The following VSTM2B variants were observed in gnomAD, a reference collection of about 807,000 sequenced individuals.
VSTM2B encodes V-set and transmembrane domain containing 2B.
In VSTM2B, 24 loss-of-function variants were observed where a neutral mutation model predicts 24.0. That is an observed-to-expected ratio of 1.00 (90% CI 0.72 to 1.40). The LOEUF is 1.40. Ranked by LOEUF, VSTM2B falls within the 40% of genes most tolerant of loss-of-function variation. The pLI is 0.00. For synonymous variants in VSTM2B, 226 were observed against 194.4 expected, an observed-to-expected ratio of 1.16 and a Z score of -1.35; for missense variants, 399 against 416.4, an observed-to-expected ratio of 0.96 and a Z score of 0.36.
rs771620231 is a variant in VSTM2B at position 29,527,379 on chromosome 19, C to G, written c.251C>G (p.Pro84Arg). The change falls in exon 2 of 5, where the codon CCG becomes CGG. Residue 84 changes from proline to arginine, a missense_variant. Coordinates refer to ENST00000335523, the MANE Select transcript of VSTM2B (RefSeq NM_001146339.2). ...CTGCACGAGCTGGCGCTCAGCGTGCCGGGCGCCCGGAGCAAGGTAACCCGC... is the reference window on the plus strand; with the variant it reads ...CTGCACGAGCTGGCGCTCAGCGTGCGGGGCGCCCGGAGCAAGGTAACCCGC... Reference protein sequence around the residue: ...ELLHELALSVPGARSKVTNKD... With the variant: ...ELLHELALSVRGARSKVTNKD... 2.7e-5 allele frequency: 42 copies of G among 1,539,510 alleles called. No individual in the cohort carries two copies. The East Asian group carries it at 5.5e-4, about 20-fold the overall frequency.
At chr19:29,538,818 A>G (rs986759454) in intron 4 of VSTM2B, among the ~76,000 whole-genome samples, 6 of 152,070 alleles carry the variant, frequency 3.9e-5, no homozygotes, top group African/African-American at 1.4e-4. Flanking sequence ...CCATTACCTC[A>G]TTACCATGAG....
intron 2 of VSTM2B, 105 bp from the exon 3 acceptor site, chr19:29,528,328 G>A: frequency 1.4e-6 from 2 of 1,471,270 alleles, no homozygotes; most frequent in Non-Finnish European, 1.9e-6. Context: ...GGCGGTTTCG[G>A]TCCTAGCCTG....
At chr19:29,530,487 T>C (rs1219943171) in intron 4 of VSTM2B, among the ~76,000 whole-genome samples, 197 bp downstream of exon 4, 1 of 152,202 alleles carries the variant, frequency 6.6e-6, no homozygotes, top group Non-Finnish European at 1.5e-5. Flanking sequence ...TCCTGGCCTC[T>C]GGAAGCATTT....
In VSTM2B at chr19:29,537,920, C is replaced by T. The variant is rs377490092; in HGVS notation, c.769+7630C>T. Among the ~76,000 whole-genome samples the T allele has an allele frequency of 2.9e-3, 442 of 152,286 alleles. 2 individuals are homozygous for T. The highest frequency in any genetic ancestry group is 0.01 in the African/African-American group (427 of 41,544). On this transcript the variant is annotated intron_variant, in intron 4 of 4. Coordinates refer to ENST00000335523, the MANE Select transcript of VSTM2B (RefSeq NM_001146339.2). ...GGCAGATCAGTCCTCCCCACAGCTG[C>T]CCATGCTGGTGGGAGAACCAAAGCA...
rs1451520692 is a variant in VSTM2B at position 29,526,519 on chromosome 19, C to G, written c.-65C>G. On this transcript the variant is annotated 5_prime_UTR_variant, in exon 1 of 5. Coordinates refer to ENST00000335523, the MANE Select transcript of VSTM2B (RefSeq NM_001146339.2). This position sits in a 1 kb window ranked among gnomAD's most constrained non-coding sequence, Gnocchi z 4.1. ...GTCCTAGCCCGAGCCGGAGCCGATC[C>G]GAGCCCACGCGGCCGCCGCCTCTCC... is the stretch of plus-strand genomic sequence containing the variant. 1.3e-5 allele frequency: 17 copies of G among 1,344,734 alleles called. No homozygotes were observed. The highest frequency in any genetic ancestry group is 1.6e-5 in the Non-Finnish European group (16 of 1,012,218). 83.3% of individuals were successfully genotyped at this position (1,344,734 alleles called of 1,614,324 possible).
chr19:29,553,542 C>T (rs949771793), intron 4 of VSTM2B, among the ~76,000 whole-genome samples: 4 of 152,204 alleles, frequency 2.6e-5, no homozygotes, highest in Admixed American at 2.6e-4. Context: ...GCCAGAGTGC[C>T]TCTTCTCCTC....
chr19:29,530,339 AGGGCTGCGCCG>A, intron 4 of VSTM2B, 49 bp downstream of exon 4: 1 of 1,429,112 alleles, frequency 7.0e-7, no homozygotes, highest in South Asian at 1.4e-5. Flanking sequence ...GCGCAGGGCT[AGGGCTGCGCCG>A]GGACGCCCCG....
intron 4 of VSTM2B, among the ~76,000 whole-genome samples, chr19:29,556,482 G>A (rs1970411528): frequency 6.6e-6 from 1 of 152,166 alleles, no homozygotes; most frequent in Non-Finnish European, 1.5e-5. Context: ...ACAGGAAAAG[G>A]ATGCCCTCTC....
intron 4 of VSTM2B, among the ~76,000 whole-genome samples, chr19:29,557,595 G>T (rs1238046714): frequency 6.6e-6 from 1 of 151,882 alleles, no homozygotes; most frequent in African/African-American, 2.4e-5. Context: ...GCTACTCAGG[G>T]CGCTGAGGCA....
intron 4 of VSTM2B, among the ~76,000 whole-genome samples, chr19:29,561,027 A>G (rs1385614734): frequency 6.6e-6 from 1 of 152,216 alleles, no homozygotes. Flanking sequence ...GATCAGAGCC[A>G]GGGGCCAGGC....
rs1969578795 is a variant in VSTM2B, at chr19:29,526,704, G to A, written c.82+39G>A. On this transcript the variant is annotated intron_variant, in intron 1 of 4. Transcript: ENST00000335523. The surrounding 1 kb of genome is among the most constrained non-coding windows in gnomAD (Gnocchi z 4.1). ...CTTTGCTGCCGCTGTGGACTCGGGG[G>A]GGTCTTTGCTGGGGCCGCCACCGAG... 1.3e-6 allele frequency: 2 copies of A among 1,503,750 alleles called. No individual in the cohort carries two copies. Among genetic ancestry groups the A allele is most frequent in the South Asian group, 2.5e-5 (2 of 81,620 alleles). The allele number at this position is 1,503,750 out of a possible 1,614,324, so 93.2% of individuals were successfully genotyped here.
chr19:29,541,491 G>T (rs1970016559), intron 4 of VSTM2B, among the ~76,000 whole-genome samples: 1 of 152,166 alleles, frequency 6.6e-6, no homozygotes, highest in Non-Finnish European at 1.5e-5. Context: ...AGAATGAATG[G>T]ATGGGGAGAA....
intron 4 of VSTM2B, among the ~76,000 whole-genome samples, chr19:29,541,432 G>A (rs1317177140): frequency 6.6e-6 from 1 of 152,120 alleles, no homozygotes; most frequent in Non-Finnish European, 1.5e-5. Context: ...ATGTGTGAAT[G>A]GATGGGGGAT....
chr19:29,526,485 C>A lies in VSTM2B; in HGVS notation c.-99C>A. 1 of 833,974 alleles carries A rather than the reference C, an allele frequency of 1.2e-6. No individual in the cohort carries two copies. The highest frequency in any genetic ancestry group is 1.6e-6 in the Non-Finnish European group (1 of 617,550). 51.7% of individuals were successfully genotyped at this position (833,974 alleles called of 1,614,324 possible). On this transcript the variant is annotated 5_prime_UTR_variant, in exon 1 of 5. Coordinates refer to ENST00000335523, the MANE Select transcript of VSTM2B (RefSeq NM_001146339.2). This position sits in a 1 kb window ranked among gnomAD's most constrained non-coding sequence, Gnocchi z 4.1. ...GGGCGCCGCGCGGGGCCATGGCAGG[C>A]TCGGAGGCGTCCTAGCCCGAGCCGG...
intron 4 of VSTM2B, among the ~76,000 whole-genome samples, chr19:29,543,524 C>A (rs1292145416): frequency 6.6e-6 from 1 of 152,248 alleles, no homozygotes; most frequent in African/African-American, 2.4e-5. Flanking sequence ...CTGGAGGGAC[C>A]TACAGCCTCC....
chr19:29,541,327 G>T (rs1470519545), intron 4 of VSTM2B, among the ~76,000 whole-genome samples: 3 of 152,216 alleles, frequency 2.0e-5, no homozygotes, highest in Non-Finnish European at 1.5e-5. Flanking sequence ...ATCCAGTCAA[G>T]AGATGATGGG....
rs536522685 is a variant in VSTM2B at position 29,543,497 on chromosome 19, G to A, written c.769+13207G>A. ...TTGTAATGGGAAAGGACTGCTGTTA[G>A]GTCCTGCATGTGCTGGCTGGAGGGA... On this transcript the variant is annotated intron_variant, in intron 4 of 4. Transcript: ENST00000335523. Among the ~76,000 whole-genome samples the A allele has an allele frequency of 5.9e-5, 9 of 152,364 alleles. No homozygotes were observed. The East Asian group carries it at 1.7e-3, about 29-fold the overall frequency.
intron 4 of VSTM2B, among the ~76,000 whole-genome samples, chr19:29,549,159 G>A (rs922922340): frequency 6.6e-6 from 1 of 152,234 alleles, no homozygotes; most frequent in African/African-American, 2.4e-5. Context: ...TTTACAATTT[G>A]TAAGACTCTG....
chr19:29,531,870 G>A (rs1263221720), intron 4 of VSTM2B, among the ~76,000 whole-genome samples: 1 of 152,240 alleles, frequency 6.6e-6, no homozygotes, highest in Non-Finnish European at 1.5e-5. Context: ...CAGGGCATGT[G>A]GCGGCTCTGT....
Sources: allele counts gnomAD v4.1 joint callset (sites outside exome capture counted in the v4.1 genomes callset), GRCh38; gene constraint gnomAD v4.1.1; non-coding constraint Gnocchi (gnomAD v3.1); transcripts MANE v1.5; gene names NCBI Gene and HGNC (gene_info 2026-07-23, HGNC 2026-07-21).